GRIN2A: variants seen among roughly 807,000 people sequenced by gnomAD.
GRIN2A encodes glutamate receptor ionotropic, NMDA 2A.
Under a neutral mutation model 113.4 loss-of-function variants are expected in GRIN2A, and 22 were observed. That is an observed-to-expected ratio of 0.19 (90% CI 0.14 to 0.28). The LOEUF (loss-of-function observed/expected upper bound fraction) is 0.28. Ranked by LOEUF, GRIN2A falls within the 10% of genes least tolerant of loss-of-function variation. The probability of loss-of-function intolerance (pLI) is 1.00; values close to 1 mark genes in which losing one functional copy is unlikely to be tolerated. For synonymous variants in GRIN2A, 827 were observed against 738.4 expected (o/e 1.12, Z -1.94); for missense variants, 1,502 against 1,887.0 (o/e 0.80, Z 3.78).
intron 3 of GRIN2A, among the ~76,000 whole-genome samples, chr16:9,928,265 G>A (rs964466394): frequency 3.3e-5 from 5 of 152,158 alleles, no homozygotes; most frequent in African/African-American, 7.2e-5. Context: ...GGAGAGGCCC[G>A]TTCTGCCTCT....
chr16:9,991,322 C>G (rs536420357), intron 2 of GRIN2A, among the ~76,000 whole-genome samples: 22 of 152,268 alleles, frequency 1.4e-4, no homozygotes, highest in African/African-American at 4.8e-4. Flanking sequence ...CAATCTTGGT[C>G]CTCTGGCTCC....
At chr16:9,958,442 A>C (rs2045354509) in intron 2 of GRIN2A, among the ~76,000 whole-genome samples, 1 of 152,032 alleles carries the variant, frequency 6.6e-6, no homozygotes, top group Non-Finnish European at 1.5e-5. Context: ...ACACACACAC[A>C]CAGGTTCAAC....
chr16:9,822,206 A>T lies in GRIN2A; in HGVS notation c.2168+58T>A, dbSNP rs547254466. 1.3e-5 allele frequency: 20 copies of T among 1,572,942 alleles called. No individual in the cohort carries two copies. In the African/African-American group the frequency reaches 2.0e-4, roughly 16 times the overall value. ...AGGAACTGAGGCATGCCGAGAGTCA[A>T]TTTCTGTAAGGTTTATCGCTCGCAG... On this transcript the variant is annotated intron_variant, in intron 10 of 12. Transcript: ENST00000330684.
intron 2 of GRIN2A, among the ~76,000 whole-genome samples, chr16:10,049,064 A>G (rs752468765): frequency 5.1e-4 from 78 of 152,286 alleles, no homozygotes; most frequent in Non-Finnish European, 8.7e-4. Flanking sequence ...AGGAAAATCT[A>G]TAACAGTATT....
At chr16:10,068,290 C>G (rs9936854) in intron 2 of GRIN2A, among the ~76,000 whole-genome samples, 14,629 of 152,230 alleles carry the variant, frequency 0.096, 784 homozygotes, top group African/African-American at 0.11. Flanking sequence ...AGAAATACCT[C>G]AGACTGGGTA....
intron 2 of GRIN2A, among the ~76,000 whole-genome samples, chr16:10,139,645 A>C (rs1304630146): frequency 1.3e-5 from 2 of 152,184 alleles, no homozygotes; most frequent in Non-Finnish European, 2.9e-5. Context: ...ACCTTGTTAA[A>C]AAGGCAAGTA....
intron 2 of GRIN2A, among the ~76,000 whole-genome samples, chr16:10,034,479 C>G (rs1362194144): frequency 4.5e-5 from 6 of 133,248 alleles, no homozygotes; most frequent in African/African-American, 1.7e-4. Flanking sequence ...GAGCCAAGAT[C>G]GTGTCACTGC....
At chr16:10,051,748 A>C (rs2047363974) in intron 2 of GRIN2A, among the ~76,000 whole-genome samples, 1 of 152,202 alleles carries the variant, frequency 6.6e-6, no homozygotes, top group Admixed American at 6.5e-5. Flanking sequence ...TGCCAGGGTG[A>C]GTGCAATACT....
intron 4 of GRIN2A, among the ~76,000 whole-genome samples, chr16:9,873,346 A>G (rs559989462): frequency 1.5e-4 from 23 of 152,216 alleles, no homozygotes; most frequent in Non-Finnish European, 2.5e-4. Flanking sequence ...ATACATTTAA[A>G]CAAACAAAAA....
At chr16:9,944,289 C>G (rs993251849) in intron 2 of GRIN2A, among the ~76,000 whole-genome samples, 1 of 152,066 alleles carries the variant, frequency 6.6e-6, no homozygotes, top group Non-Finnish European at 1.5e-5. Flanking sequence ...TTTCAATTTC[C>G]AGGGGTGAGA....
chr16:9,856,675 C>T (rs989293140), intron 4 of GRIN2A, among the ~76,000 whole-genome samples: 2 of 151,566 alleles, frequency 1.3e-5, no homozygotes, highest in Admixed American at 6.6e-5. Context: ...TAAGTCTTTC[C>T]GTTTCTACTA....
chr16:10,124,911 G>A (rs951275700), intron 2 of GRIN2A, among the ~76,000 whole-genome samples: 5 of 152,310 alleles, frequency 3.3e-5, no homozygotes, highest in African/African-American at 1.2e-4. Context: ...AAGTTGTGAA[G>A]AAGTCATCGT....
At chr16:9,835,838 G>A (rs949737024) in intron 7 of GRIN2A, among the ~76,000 whole-genome samples, 1 of 152,208 alleles carries the variant, frequency 6.6e-6, no homozygotes, top group East Asian at 1.9e-4. Context: ...TAATATGTCC[G>A]AACTTAACTT....
At chr16:10,140,240 T>C (rs2142251497) in intron 2 of GRIN2A, among the ~76,000 whole-genome samples, 1 of 152,330 alleles carries the variant, frequency 6.6e-6, no homozygotes, top group South Asian at 2.1e-4. Flanking sequence ...AATCGATTAG[T>C]ACTTAATTAA....
intron 4 of GRIN2A, among the ~76,000 whole-genome samples, chr16:9,867,117 C>T (rs547886680): frequency 6.6e-6 from 1 of 152,162 alleles, no homozygotes; most frequent in Non-Finnish European, 1.5e-5. Flanking sequence ...CCTGCCCCCA[C>T]TTTGTCTTCC....
chr16:9,765,560 G>T (rs1324420312), intron 12 of GRIN2A, among the ~76,000 whole-genome samples: 3 of 152,192 alleles, frequency 2.0e-5, no homozygotes, highest in Admixed American at 6.5e-5. Context: ...CTCTTTGAGG[G>T]GGGGATAGAT....
At chr16:9,778,464 C>T (rs1335884261) in intron 11 of GRIN2A, among the ~76,000 whole-genome samples, 2 of 152,190 alleles carry the variant, frequency 1.3e-5, no homozygotes, top group Non-Finnish European at 2.9e-5. Context: ...GATGACTTAT[C>T]ATGGGAAGGT....
intron 3 of GRIN2A, among the ~76,000 whole-genome samples, chr16:9,892,355 T>A (rs547927190): frequency 2.0e-5 from 3 of 152,064 alleles, no homozygotes; most frequent in Non-Finnish European, 4.4e-5. Flanking sequence ...CCAGAGCGGG[T>A]ACAGAGGGAC....
intron 2 of GRIN2A, among the ~76,000 whole-genome samples, chr16:9,984,703 G>C (rs891170676): frequency 5.3e-5 from 8 of 152,168 alleles, no homozygotes; most frequent in Admixed American, 5.2e-4. Flanking sequence ...ACTTGGTCTT[G>C]TCTTTACTTT....
Sources: gnomAD v4.1 joint callset for allele counts (sites outside exome capture counted in the v4.1 genomes callset) on GRCh38, gnomAD v4.1.1 for gene constraint, MANE v1.5 for transcripts, NCBI Gene and HGNC (gene_info 2026-07-23, HGNC 2026-07-21) for gene names.